Variants in QRFPR observed in about 807,000 individuals in gnomAD.
QRFPR encodes pyroglutamylated RFamide peptide receptor.
In QRFPR, 37 loss-of-function variants were observed where a neutral mutation model predicts 31.3. The ratio of observed to expected loss-of-function variants is 1.18; its 90% CI spans 0.91 to 1.56. QRFPR has a LOEUF of 1.56. QRFPR is among the 40% of genes most tolerant of loss of function. QRFPR has a pLI of 0.00. For synonymous variants in QRFPR, 197 were observed against 192.0 expected (o/e 1.03, Z -0.22); for missense variants, 542 against 532.5 (o/e 1.02, Z -0.18).
intron 1 of QRFPR, among the ~76,000 whole-genome samples, chr4:121,374,093 A>G (rs895877615): frequency 1.3e-5 from 2 of 152,186 alleles, no homozygotes; most frequent in African/African-American, 4.8e-5. Context: ...TCCAGGCAAG[A>G]GAATAATTCT....
At position 121,373,910 on chromosome 4, in the gene QRFPR, A is replaced by G. The variant is rs573784484; in HGVS notation, c.340+6398T>C. 3.1e-3 allele frequency among the ~76,000 whole-genome samples: 471 copies of G among 152,252 alleles called. 3 individuals are homozygous for G. The highest frequency in any genetic ancestry group is 4.4e-3 in the Non-Finnish European group (299 of 68,020). On this transcript the variant is annotated intron_variant, in intron 1 of 5. Transcript: ENST00000394427. ...AGTTAAATCCTTTCATTTTTCATAT[A>G]AAGTCATGCAAAATTCTAATTCTTA...
At chr4:121,359,008 T>C (rs1340685015) in intron 1 of QRFPR, among the ~76,000 whole-genome samples, 1 of 152,166 alleles carries the variant, frequency 6.6e-6, no homozygotes, top group African/African-American at 2.4e-5. Flanking sequence ...CAGTAAGGGA[T>C]GAAGACAAAT....
chr4:121,335,324 T>C (rs76395377), intron 3 of QRFPR, among the ~76,000 whole-genome samples: 3,627 of 152,148 alleles, frequency 0.024, 79 homozygotes, highest in East Asian at 0.11. Context: ...TGAATCATTA[T>C]GAAAAGGCTC....
chr4:121,357,577 C>G (rs691209), intron 1 of QRFPR, among the ~76,000 whole-genome samples: 1 of 152,112 alleles, frequency 6.6e-6, no homozygotes, highest in East Asian at 1.9e-4. Flanking sequence ...AATTCTAAGA[C>G]GTAGCGCCAG....
intron 1 of QRFPR, among the ~76,000 whole-genome samples, chr4:121,356,299 T>C (rs989024074): frequency 2.6e-5 from 4 of 152,344 alleles, no homozygotes; most frequent in South Asian, 2.1e-4. Context: ...ATTTCTCTGA[T>C]ACAATTCTGA....
intron 1 of QRFPR, among the ~76,000 whole-genome samples, chr4:121,347,750 T>C (rs1011460546): frequency 2.6e-5 from 4 of 152,158 alleles, no homozygotes; most frequent in Non-Finnish European, 5.9e-5. Context: ...TCAAGACTGA[T>C]AGTTTTTCAT....
chr4:121,356,394 C>G (rs1725871138), intron 1 of QRFPR, among the ~76,000 whole-genome samples: 1 of 152,178 alleles, frequency 6.6e-6, no homozygotes, highest in African/African-American at 2.4e-5. Context: ...TCACAAATCT[C>G]TGTCACTCCA....
chr4:121,333,791 T>C (rs964272140), intron 3 of QRFPR, among the ~76,000 whole-genome samples: 3 of 152,164 alleles, frequency 2.0e-5, no homozygotes, highest in African/African-American at 7.2e-5. Flanking sequence ...TTAAAGCATA[T>C]TCAGAAGTCA....
At chr4:121,370,596 G>A (rs1383137547) in intron 1 of QRFPR, among the ~76,000 whole-genome samples, 4 of 152,218 alleles carry the variant, frequency 2.6e-5, no homozygotes, top group Admixed American at 2.6e-4. Flanking sequence ...GGCGCATCTG[G>A]ACCCAAGCCA....
chr4:121,371,416 C>G (rs569116962), intron 1 of QRFPR, among the ~76,000 whole-genome samples: 88 of 152,308 alleles, frequency 5.8e-4, no homozygotes, highest in African/African-American at 2.1e-3. Flanking sequence ...TTCTAGAACC[C>G]CGTTCACTGA....
At chr4:121,365,559 T>A (rs1284137133) in intron 1 of QRFPR, among the ~76,000 whole-genome samples, 226 of 5,920 alleles carry the variant, frequency 0.038, 13 homozygotes, top group Non-Finnish European at 0.046. Flanking sequence ...TAATATATAA[T>A]ATATATTATA....
intron 1 of QRFPR, among the ~76,000 whole-genome samples, chr4:121,364,890 G>A (rs1726061249): frequency 1.3e-5 from 2 of 149,212 alleles, no homozygotes; most frequent in South Asian, 2.1e-4. Flanking sequence ...AAAGCAATTC[G>A]ATTTAATAAG....
intron 1 of QRFPR, among the ~76,000 whole-genome samples, chr4:121,349,010 T>C (rs1725714615): frequency 6.6e-6 from 1 of 152,002 alleles, no homozygotes; most frequent in African/African-American, 2.4e-5. Context: ...GGCAGGAGAA[T>C]GGCGTGAACC....
At chr4:121,380,226 AG>A in intron 1 of QRFPR, 81 bp downstream of exon 1, 2 of 922,710 alleles carry the variant, frequency 2.2e-6, no homozygotes, top group East Asian at 5.0e-5. Flanking sequence ...AGAGAGAGAG[AG>A]AGAGAGAGAG....
In QRFPR at chr4:121,359,695, A is replaced by G. The variant is rs544325752; in HGVS notation, c.341-19085T>C. 1.2e-4 allele frequency among the ~76,000 whole-genome samples: 18 copies of G among 150,930 alleles called. No individual in the cohort carries two copies. The South Asian group carries it at 3.6e-3, about 30-fold the overall frequency. ...TGTGTGTGTATATATGTGTGTATAT[A>G]TGTGTGTATGTGTGTGTGTGTATAT... On this transcript the variant is annotated intron_variant, in intron 1 of 5. Coordinates refer to ENST00000394427, the MANE Select transcript of QRFPR (RefSeq NM_198179.3).
intron 2 of QRFPR, among the ~76,000 whole-genome samples, chr4:121,339,016 GAT>G (rs1291719711): frequency 2.6e-5 from 4 of 152,186 alleles, no homozygotes; most frequent in African/African-American, 4.8e-5. Context: ...TAGTAGGAAA[GAT>G]ATGACATAAA....
rs749933495 is a variant in QRFPR at position 121,380,661 on chromosome 4, C to G, written c.-14G>C. The G allele has an allele frequency of 2.7e-6, 4 of 1,492,668 alleles. No individual in the cohort carries two copies. In the African/African-American group the frequency reaches 4.2e-5, roughly 16 times the overall value. 92.5% of individuals were successfully genotyped at this position (1,492,668 alleles called of 1,614,324 possible). On this transcript the variant is annotated 5_prime_UTR_variant, in exon 1 of 6. Transcript: ENST00000394427. The stretch of plus-strand genomic sequence containing the variant: ...AAGCGCCTGCATTGCTGTGCGCTCC[C>G]GGGACGCGGGGCCACCGCCCGCTAC...
intron 2 of QRFPR, 99 bp downstream of exon 2, chr4:121,340,353 G>T (rs755671188): frequency 5.4e-6 from 7 of 1,289,704 alleles, no homozygotes; most frequent in African/African-American, 1.5e-5. Context: ...ATGCCTACAA[G>T]TTAGATAAGA....
Position 121,380,677 on chromosome 4 carries a change from C to A in QRFPR, c.-30G>T. On this transcript the variant is annotated 5_prime_UTR_variant, in exon 1 of 6. Coordinates refer to ENST00000394427, the MANE Select transcript of QRFPR (RefSeq NM_198179.3). ...GTGCGCTCCCGGGACGCGGGGCCAC[C>A]GCCCGCTACTGGCTGGCCATCCGCA... 6.8e-7 allele frequency: 1 copy of A among 1,472,788 alleles called. No individual in the cohort carries two copies. The highest frequency in any genetic ancestry group is 1.4e-5 in the African/African-American group (1 of 71,254). 91.2% of individuals were successfully genotyped at this position (1,472,788 alleles called of 1,614,324 possible).
Sources: allele counts gnomAD v4.1 joint callset (sites outside exome capture counted in the v4.1 genomes callset), GRCh38; gene constraint gnomAD v4.1.1; transcripts MANE v1.5; gene names NCBI Gene and HGNC (gene_info 2026-07-23, HGNC 2026-07-21).